The following DNAH11 variants were observed in gnomAD, a reference collection of about 807,000 sequenced individuals.
The protein encoded by DNAH11 is dynein axonemal heavy chain 11, also known as axonemal beta dynein heavy chain 11.
A neutral mutation model predicts 526.0 loss-of-function variants in DNAH11; 442 were observed. The ratio of observed to expected loss-of-function variants is 0.84; its 90% CI spans 0.78 to 0.91. The LOEUF is 0.91. DNAH11 is among the 40% of genes least tolerant of loss of function. The pLI is 0.00. For synonymous variants in DNAH11, 2,461 were observed against 1,935.9 expected (o/e 1.27, Z -7.12); for missense variants, 6,989 against 5,448.7 (o/e 1.28, Z -8.90).
At chr7:21,772,912 G>T (rs17145350) in intron 55 of DNAH11, among the ~76,000 whole-genome samples, 4 of 152,146 alleles carry the variant, frequency 2.6e-5, no homozygotes, top group Non-Finnish European at 5.9e-5. Context: ...CCAGCCACGT[G>T]TGTGCAATTT....
chr7:21,898,387 C>T (rs1190226163), intron 79 of DNAH11, among the ~76,000 whole-genome samples: 1 of 152,150 alleles, frequency 6.6e-6, no homozygotes, highest in Non-Finnish European at 1.5e-5. Context: ...TTCTTCACGG[C>T]CCAGAGTCAG....
chr7:21,901,666 A>T lies in DNAH11; in HGVS notation c.*412A>T, dbSNP rs1784869615. 6.4e-6 allele frequency: 1 copy of T among 157,144 alleles called. No homozygotes were observed. The highest frequency in any genetic ancestry group is 1.4e-5 in the Non-Finnish European group (1 of 71,232). The allele number at this position is 157,144 out of a possible 1,614,324, so 9.7% of individuals were successfully genotyped here. On this transcript the variant is annotated 3_prime_UTR_variant, in exon 82 of 82. Coordinates refer to ENST00000409508, the MANE Select transcript of DNAH11 (RefSeq NM_001277115.2). The stretch of plus-strand genomic sequence containing the variant: ...AGATTTTAATTTTTAACAAACAACA[A>T]ATTAAATTATTAGCCCTTAAACTCT...
Position 21,583,248 on chromosome 7 carries a change from A to G in DNAH11, c.1710+1227A>G, listed in dbSNP as rs1048309460. 6.6e-5 allele frequency among the ~76,000 whole-genome samples: 10 copies of G among 152,170 alleles called. No individual in the cohort carries two copies. In the East Asian group the frequency reaches 7.7e-4, roughly 12 times the overall value. ...TGGTACCAAAACAGATTGTAGACCAATGGAACAGAACAGAGGCCTCAGAAA... is the reference window on the plus strand; with the variant it reads ...TGGTACCAAAACAGATTGTAGACCAGTGGAACAGAACAGAGGCCTCAGAAA... On this transcript the variant is annotated intron_variant, in intron 9 of 81. Coordinates refer to ENST00000409508, the MANE Select transcript of DNAH11 (RefSeq NM_001277115.2).
intron 30 of DNAH11, among the ~76,000 whole-genome samples, chr7:21,672,213 A>G (rs1233683691): frequency 6.6e-6 from 1 of 152,202 alleles, no homozygotes; most frequent in East Asian, 1.9e-4. Flanking sequence ...GGATCCTGGT[A>G]GCTGATCTCC....
chr7:21,829,024 C>A lies in DNAH11; in HGVS notation c.10691+10685C>A, dbSNP rs78649516. Reference sequence around the variant, plus strand: ...AAATGGGTTTGACCAACTTGCACAGCCCTTCCCGCTGAGGTTGCTAAGTAA... The same window carrying A: ...AAATGGGTTTGACCAACTTGCACAGACCTTCCCGCTGAGGTTGCTAAGTAA... On this transcript the variant is annotated intron_variant, in intron 65 of 81. Coordinates refer to ENST00000409508, the MANE Select transcript of DNAH11 (RefSeq NM_001277115.2). 5.8e-3 allele frequency among the ~76,000 whole-genome samples: 885 copies of A among 152,238 alleles called. 7 individuals are homozygous for A. The highest frequency in any genetic ancestry group is 0.02 in the African/African-American group (831 of 41,548).
intron 30 of DNAH11, among the ~76,000 whole-genome samples, chr7:21,677,265 T>A (rs545060597): frequency 6.6e-6 from 1 of 151,962 alleles, no homozygotes; most frequent in South Asian, 2.1e-4. Context: ...ATGCTGGGCA[T>A]TGACATCATC....
intron 25 of DNAH11, among the ~76,000 whole-genome samples, chr7:21,624,709 T>A (rs1490988184): frequency 6.6e-6 from 1 of 152,212 alleles, no homozygotes; most frequent in Non-Finnish European, 1.5e-5. Context: ...TTTATTGTGC[T>A]GAAGTACATT....
chr7:21,704,768 A>G (rs572335491), intron 38 of DNAH11, 140 bp downstream of exon 38: 2 of 922,158 alleles, frequency 2.2e-6, no homozygotes, highest in East Asian at 2.9e-5. Flanking sequence ...GCATTTTCAT[A>G]TGGCAGGATT....
chr7:21,728,776 C>A (rs1562513571), intron 45 of DNAH11, among the ~76,000 whole-genome samples: 1 of 152,226 alleles, frequency 6.6e-6, no homozygotes, highest in South Asian at 2.1e-4. Context: ...TAGGATAGAC[C>A]TTTCTATTCC....
intron 76 of DNAH11, among the ~76,000 whole-genome samples, chr7:21,887,233 T>C (rs1784157928): frequency 1.3e-5 from 2 of 152,332 alleles, no homozygotes; most frequent in South Asian, 4.1e-4. Context: ...GGAGGATCAG[T>C]GAGTTTCTTG....
In DNAH11 at chr7:21,656,050, C is replaced by T. The variant is rs373856420; in HGVS notation, c.5094+69C>T. 343 of 1,454,580 alleles carry T rather than the reference C, an allele frequency of 2.4e-4. 4 individuals are homozygous for T. The East Asian group carries it at 6.4e-3, about 27-fold the overall frequency. The allele number at this position is 1,454,580 out of a possible 1,614,324, so 90.1% of individuals were successfully genotyped here. A position where few individuals can be genotyped will look rare whatever the true frequency, so the allele number is the denominator to read the frequency against. On this transcript the variant is annotated intron_variant, in intron 29 of 81. Transcript: ENST00000409508. ...CAGCATGCTCTTAGAAGGTTGAGTT[C>T]AACAAGCAAAAAATTCAACCCAGGT...
intron 68 of DNAH11, among the ~76,000 whole-genome samples, chr7:21,860,048 C>A (rs1462668984): frequency 1.3e-5 from 2 of 152,114 alleles, no homozygotes; most frequent in Non-Finnish European, 2.9e-5. Context: ...TGACACATGC[C>A]TGTGGTCTCA....
chr7:21,817,600 G>C (rs953446114), intron 64 of DNAH11, among the ~76,000 whole-genome samples: 4 of 151,612 alleles, frequency 2.6e-5, no homozygotes, highest in African/African-American at 9.7e-5. Flanking sequence ...GGCTGAGGCA[G>C]GAGGATCACT....
intron 67 of DNAH11, among the ~76,000 whole-genome samples, chr7:21,853,213 CT>C (rs1276586916): frequency 6.6e-6 from 1 of 152,162 alleles, no homozygotes; most frequent in Non-Finnish European, 1.5e-5. Context: ...GTGATGTGCA[CT>C]TTGGACTTTC....
chr7:21,560,820 C>T (rs1783425054), intron 4 of DNAH11, among the ~76,000 whole-genome samples: 1 of 152,116 alleles, frequency 6.6e-6, no homozygotes, highest in Admixed American at 6.6e-5. Context: ...ATCAAGTTGA[C>T]ACTCAATTAT....
rs557600377 is a variant in DNAH11, at chr7:21,818,178, A to G, written c.10569-39A>G. The stretch of plus-strand genomic sequence containing the variant: ...AAAAAATTTTGAACATTTTGTGCCA[A>G]TTTACATTTTATTATCTCAAATCCC... On this transcript the variant is annotated intron_variant, in intron 64 of 81. Transcript: ENST00000409508. 1.4e-5 allele frequency: 23 copies of G among 1,589,872 alleles called. No homozygotes were observed. The South Asian group carries it at 2.1e-4, about 15-fold the overall frequency.
At chr7:21,828,075 A>G (rs571794970) in intron 65 of DNAH11, among the ~76,000 whole-genome samples, 1 of 152,174 alleles carries the variant, frequency 6.6e-6, no homozygotes, top group South Asian at 2.1e-4. Context: ...CAGCCTCCCA[A>G]GTAGCTGAAA....
intron 57 of DNAH11, among the ~76,000 whole-genome samples, chr7:21,780,406 G>C (rs892551812): frequency 2.6e-5 from 4 of 152,102 alleles, no homozygotes; most frequent in Non-Finnish European, 4.4e-5. Context: ...AAAAGACAAA[G>C]CGTGTTATTC....
At chr7:21,748,421 G>A (rs554061637) in intron 51 of DNAH11, among the ~76,000 whole-genome samples, 159 bp from the exon 52 acceptor site, 1 of 152,158 alleles carries the variant, frequency 6.6e-6, no homozygotes, top group African/African-American at 2.4e-5. Context: ...TCCGGGAGGC[G>A]GAGGCTGCAA....
Sources: gnomAD v4.1 joint callset for allele counts (sites outside exome capture counted in the v4.1 genomes callset) on GRCh38, gnomAD v4.1.1 for gene constraint, MANE v1.5 for transcripts, NCBI Gene and HGNC (gene_info 2026-07-23, HGNC 2026-07-21) for gene names.